CRACR2A: variants seen among roughly 807,000 people sequenced by gnomAD.
CRACR2A encodes the protein calcium release activated channel regulator 2A, also known as EF-hand calcium-binding domain-containing protein 4B.
In CRACR2A, 79 loss-of-function variants were observed where a neutral mutation model predicts 90.5. That is an observed-to-expected ratio of 0.87 (90% CI 0.73 to 1.05). The LOEUF (loss-of-function observed/expected upper bound fraction) is 1.05, where lower values mean the gene tolerates loss of function less well. CRACR2A is among the 50% of genes least tolerant of loss of function. CRACR2A has a pLI of 0.00. For synonymous variants in CRACR2A, 338 were observed against 356.7 expected (o/e 0.95, Z 0.59); for missense variants, 823 against 897.2 (o/e 0.92, Z 1.06).
intron 4 of CRACR2A, among the ~76,000 whole-genome samples, chr12:3,681,683 C>T (rs1384595096): frequency 2.6e-5 from 4 of 152,256 alleles, no homozygotes; most frequent in East Asian, 1.9e-4. Context: ...ACAATGAATG[C>T]GGGGCTTTGT....
intron 1 of CRACR2A, among the ~76,000 whole-genome samples, chr12:3,743,444 C>T (rs976869571): frequency 2.6e-5 from 4 of 152,194 alleles, no homozygotes; most frequent in African/African-American, 4.8e-5. Flanking sequence ...ATTTTACAGG[C>T]GTGTGGAGAG....
At chr12:3,736,709 C>T (rs990024291) in intron 1 of CRACR2A, among the ~76,000 whole-genome samples, 20 of 152,026 alleles carry the variant, frequency 1.3e-4, no homozygotes, top group African/African-American at 4.8e-4. Context: ...AGAAGCAGTG[C>T]TTAGAGAGGA....
chr12:3,728,800 C>G (rs1946313832), intron 2 of CRACR2A: 1 of 152,250 alleles, frequency 6.6e-6, no homozygotes, highest in African/African-American at 2.4e-5. Flanking sequence ...CCCCGAGTGG[C>G]CTCCAGAGAG....
chr12:3,636,581 G>A (rs1162061497), intron 14 of CRACR2A, among the ~76,000 whole-genome samples: 1 of 152,270 alleles, frequency 6.6e-6, no homozygotes, highest in Non-Finnish European at 1.5e-5. Context: ...TGTCTGAGCA[G>A]ACGCTTAAGC....
chr12:3,695,199 C>A (rs776995468), intron 4 of CRACR2A, among the ~76,000 whole-genome samples: 2 of 152,112 alleles, frequency 1.3e-5, no homozygotes, highest in Admixed American at 6.5e-5. Context: ...AGGGAATAAT[C>A]AAAAGTTAAG....
chr12:3,666,360 CGTGT>C (rs34013782), intron 7 of CRACR2A, among the ~76,000 whole-genome samples: 7 of 81,046 alleles, frequency 8.6e-5, no homozygotes, highest in African/African-American at 2.8e-4. Context: ...TGTGTGCGTG[CGTGT>C]GCGCGTGCGC....
chr12:3,672,601 C>T, intron 7 of CRACR2A: 1 of 256,152 alleles, frequency 3.9e-6, no homozygotes, highest in Non-Finnish European at 6.1e-6. Flanking sequence ...AGTCCATGTT[C>T]ATAAAATGCG....
At chr12:3,720,107 G>A (rs982750796) in intron 2 of CRACR2A, among the ~76,000 whole-genome samples, 7 of 141,432 alleles carry the variant, frequency 4.9e-5, no homozygotes, top group Admixed American at 7.6e-5. Context: ...CAAGAATAGC[G>A]AAACTCTATC....
rs1244508241 is a variant in CRACR2A, at chr12:3,648,541, C to T, written c.1118+1G>A. 2.5e-6 allele frequency: 4 copies of T among 1,614,090 alleles called. No individual in the cohort carries two copies. In the South Asian group the frequency reaches 4.4e-5, roughly 18 times the overall value. ...GCACAGGCCAGTGCCCACCGACGCA[C>T]CTTAGGAAATCCAGCTGCTTGAGGA... On this transcript the variant is annotated splice_donor_variant, in intron 11 of 19. Coordinates refer to ENST00000440314, the MANE Select transcript of CRACR2A (RefSeq NM_001144958.2). LOFTEE classifies it high-confidence loss of function.
intron 6 of CRACR2A, among the ~76,000 whole-genome samples, chr12:3,675,106 A>G (rs988480733): frequency 2.6e-5 from 4 of 152,178 alleles, no homozygotes; most frequent in Non-Finnish European, 5.9e-5. Context: ...CATTACAGTC[A>G]TCTGCACCTT....
chr12:3,729,198 T>A (rs1449577360), intron 2 of CRACR2A: 1 of 152,212 alleles, frequency 6.6e-6, no homozygotes, highest in Non-Finnish European at 1.5e-5. Flanking sequence ...GGGGAGCCAA[T>A]TCCACTCTAT....
At chr12:3,671,384 T>C (rs1174695546) in intron 7 of CRACR2A, among the ~76,000 whole-genome samples, 2 of 152,034 alleles carry the variant, frequency 1.3e-5, no homozygotes, top group African/African-American at 2.4e-5. Flanking sequence ...ATTTTATAGA[T>C]AGGAAAACCA....
At chr12:3,725,837 T>A (rs1946254365) in intron 2 of CRACR2A, 1 of 152,134 alleles carries the variant, frequency 6.6e-6, no homozygotes, top group East Asian at 1.9e-4. Flanking sequence ...GAGCACCACA[T>A]CTCCCGGACA....
chr12:3,668,641 G>C (rs1353953065), intron 7 of CRACR2A, among the ~76,000 whole-genome samples: 1 of 152,208 alleles, frequency 6.6e-6, no homozygotes, highest in African/African-American at 2.4e-5. Context: ...TTTGGGGACA[G>C]TTTCCTTGTC....
At chr12:3,723,455 T>C (rs1017700983) in intron 2 of CRACR2A, among the ~76,000 whole-genome samples, 1 of 152,090 alleles carries the variant, frequency 6.6e-6, no homozygotes, top group African/African-American at 2.4e-5. Flanking sequence ...GGTGGGGGGT[T>C]TGGAAACTGT....
intron 7 of CRACR2A, among the ~76,000 whole-genome samples, chr12:3,667,768 G>A (rs1432951761): frequency 2.6e-5 from 4 of 152,156 alleles, no homozygotes; most frequent in Non-Finnish European, 5.9e-5. Flanking sequence ...CCTGAAATCA[G>A]TCTCTCTCAG....
At chr12:3,751,259 C>T (rs1946697853) in intron 1 of CRACR2A, among the ~76,000 whole-genome samples, 1 of 152,168 alleles carries the variant, frequency 6.6e-6, no homozygotes, top group African/African-American at 2.4e-5. Flanking sequence ...TGGCAGATGA[C>T]TTTTCCCCTA....
chr12:3,718,135 C>T (rs1215132365), intron 2 of CRACR2A, among the ~76,000 whole-genome samples: 3 of 152,236 alleles, frequency 2.0e-5, no homozygotes, highest in African/African-American at 4.8e-5. Flanking sequence ...ATAAGATACA[C>T]AGCACACAGA....
intron 17 of CRACR2A, among the ~76,000 whole-genome samples, chr12:3,622,369 G>T (rs571710736): frequency 2.4e-4 from 36 of 152,284 alleles, no homozygotes; most frequent in Non-Finnish European, 4.9e-4. Context: ...TGACTCATCT[G>T]AGTCTCTCCT....
Sources: gnomAD v4.1 joint callset for allele counts (sites outside exome capture counted in the v4.1 genomes callset) on GRCh38, gnomAD v4.1.1 for gene constraint, MANE v1.5 for transcripts, NCBI Gene and HGNC (gene_info 2026-07-23, HGNC 2026-07-21) for gene names.